Variants in FHIT observed in about 807,000 individuals in gnomAD.
The protein encoded by FHIT is fragile histidine triad diadenosine triphosphatase.
FHIT carries 19 observed loss-of-function variants against 17.9 expected under a neutral mutation model. The ratio of observed to expected loss-of-function variants is 1.06; its 90% CI spans 0.74 to 1.56. The LOEUF is 1.56. Among genes scored for constraint, FHIT ranks in the 40% most tolerant of loss-of-function variants. The pLI is 0.00. For missense variants in FHIT, 248 were observed against 189.2 expected, an observed-to-expected ratio of 1.31 and a Z score of -1.82; for synonymous variants, 81 against 69.7, an observed-to-expected ratio of 1.16 and a Z score of -0.81.
At chr3:60,867,576 G>A (rs1185511157) in intron 3 of FHIT, among the ~76,000 whole-genome samples, 1 of 152,144 alleles carries the variant, frequency 6.6e-6, no homozygotes, top group Non-Finnish European at 1.5e-5. Flanking sequence ...TTCTCCTTTA[G>A]CCCCAAGCAT....
intron 3 of FHIT, among the ~76,000 whole-genome samples, chr3:60,831,710 A>C (rs1248404138): frequency 6.6e-6 from 1 of 152,098 alleles, no homozygotes; most frequent in African/African-American, 2.4e-5. Context: ...CCTATGAGGG[A>C]GACACCACAT....
At chr3:60,316,910 T>C (rs1452311810) in intron 5 of FHIT, among the ~76,000 whole-genome samples, 2 of 152,202 alleles carry the variant, frequency 1.3e-5, no homozygotes, top group African/African-American at 4.8e-5. Flanking sequence ...GCTTGTTAAA[T>C]AGAGCGATCC....
At chr3:61,074,732 C>A (rs2034918728) in intron 2 of FHIT, among the ~76,000 whole-genome samples, 1 of 152,096 alleles carries the variant, frequency 6.6e-6, no homozygotes, top group African/African-American at 2.4e-5. Context: ...GACAAATATT[C>A]ATTTTGGTGA....
intron 4 of FHIT, among the ~76,000 whole-genome samples, chr3:60,805,980 T>C (rs1553733938): frequency 6.6e-6 from 1 of 152,200 alleles, no homozygotes; most frequent in South Asian, 2.1e-4. Flanking sequence ...CAATGACATA[T>C]ACATATAGAA....
At chr3:60,677,673 T>C (rs2040655658) in intron 4 of FHIT, among the ~76,000 whole-genome samples, 1 of 152,274 alleles carries the variant, frequency 6.6e-6, no homozygotes, top group East Asian at 1.9e-4. Context: ...TACACTTATA[T>C]ACACACACAG....
At chr3:61,058,534 T>G (rs1377957184) in intron 2 of FHIT, among the ~76,000 whole-genome samples, 1 of 152,108 alleles carries the variant, frequency 6.6e-6, no homozygotes, top group African/African-American at 2.4e-5. Context: ...TCCTTGCTGT[T>G]CTCGCAATAA....
chr3:61,225,946 C>T (rs1379512633), intron 1 of FHIT, among the ~76,000 whole-genome samples: 1 of 152,116 alleles, frequency 6.6e-6, no homozygotes, highest in Non-Finnish European at 1.5e-5. Flanking sequence ...TCACCAGGGC[C>T]AAGCTTATAA....
At chr3:61,236,304 AAC>A (rs1384275854) in intron 1 of FHIT, among the ~76,000 whole-genome samples, 1 of 150,150 alleles carries the variant, frequency 6.7e-6, no homozygotes, top group Non-Finnish European at 1.5e-5. Context: ...TAATAATAAT[AAC>A]ACAGCATCAT....
At chr3:60,697,102 T>C (rs2041131380) in intron 4 of FHIT, among the ~76,000 whole-genome samples, 1 of 152,186 alleles carries the variant, frequency 6.6e-6, no homozygotes, top group South Asian at 2.1e-4. Flanking sequence ...CCAAATTGGA[T>C]TGAATTATTA....
rs544397643 is a variant in FHIT at position 60,568,055 on chromosome 3, C to T, written c.-17-31076G>A. On this transcript the variant is annotated intron_variant, in intron 4 of 9. Coordinates refer to ENST00000492590, the MANE Select transcript of FHIT (RefSeq NM_002012.4). ...ATTGTGGAAGTCAGTGTGGCAATTC[C>T]TCAGGGATCTTGAACTAGAAATGCC... Among the ~76,000 whole-genome samples, 54 of 152,266 alleles carry T rather than the reference C, an allele frequency of 3.5e-4. No homozygotes were observed. In the South Asian group the frequency reaches 5.2e-3, roughly 15 times the overall value.
At chr3:59,913,426 C>T in intron 8 of FHIT, among the ~76,000 whole-genome samples, 1 of 152,078 alleles carries the variant, frequency 6.6e-6, no homozygotes, top group South Asian at 2.1e-4. Context: ...ACAAGCTTTG[C>T]CATGAGCTGG....
At chr3:60,958,477 TAA>T in intron 3 of FHIT, among the ~76,000 whole-genome samples, 1 of 152,350 alleles carries the variant, frequency 6.6e-6, no homozygotes. Context: ...TATTTATACT[TAA>T]GTCTTGTTCT....
rs549429842 is a variant in FHIT, at chr3:60,309,760, T to C, written c.103+227100A>G. Among the ~76,000 whole-genome samples the C allele has an allele frequency of 1.1e-3, 174 of 152,144 alleles. 2 individuals carry two copies. In the South Asian group the frequency reaches 0.013, roughly 11 times the overall value. ...TCCTGTTTAACTTTTTTTTTCAATA[T>C]AGAACCATGTGGTGGCTTTTTATAT... On this transcript the variant is annotated intron_variant, in intron 5 of 9. Transcript: ENST00000492590.
At chr3:59,954,684 T>C (rs1261607988) in intron 7 of FHIT, among the ~76,000 whole-genome samples, 2 of 152,216 alleles carry the variant, frequency 1.3e-5, no homozygotes, top group Non-Finnish European at 2.9e-5. Flanking sequence ...GTTGAACATG[T>C]TCCAGAAAAC....
At chr3:61,193,602 G>C (rs1316652442) in intron 2 of FHIT, among the ~76,000 whole-genome samples, 2 of 151,116 alleles carry the variant, frequency 1.3e-5, no homozygotes, top group Non-Finnish European at 3.0e-5. Context: ...AACATTTAGA[G>C]AAAAAAAAAG....
intron 3 of FHIT, among the ~76,000 whole-genome samples, chr3:60,997,454 C>A (rs1176272066): frequency 6.6e-6 from 1 of 151,942 alleles, no homozygotes; most frequent in Admixed American, 6.6e-5. Flanking sequence ...GCATACTGGA[C>A]CAGAAAGACT....
At chr3:60,065,933 G>A (rs183322) in intron 5 of FHIT, among the ~76,000 whole-genome samples, 41,856 of 151,978 alleles carry the variant, frequency 0.28, 6,816 homozygotes, top group African/African-American at 0.45. Context: ...CAGGAAATAG[G>A]GTGGCCATCT....
At chr3:60,624,182 A>T (rs2039215342) in intron 4 of FHIT, among the ~76,000 whole-genome samples, 1 of 152,204 alleles carries the variant, frequency 6.6e-6, no homozygotes, top group Admixed American at 6.5e-5. Flanking sequence ...AGCCAGTAGG[A>T]CGTATGCAGA....
chr3:60,918,124 C>T (rs1238407567), intron 3 of FHIT, among the ~76,000 whole-genome samples: 5 of 152,216 alleles, frequency 3.3e-5, no homozygotes, highest in East Asian at 1.9e-4. Flanking sequence ...AGTTCCCCTG[C>T]GCAAGCTCTC....
Sources: gnomAD v4.1 joint callset for allele counts (sites outside exome capture counted in the v4.1 genomes callset) on GRCh38, gnomAD v4.1.1 for gene constraint, MANE v1.5 for transcripts, NCBI Gene and HGNC (gene_info 2026-07-23, HGNC 2026-07-21) for gene names.